LMNTD2: variants seen among roughly 807,000 people sequenced by gnomAD.
LMNTD2 encodes lamin tail domain containing 2.
In LMNTD2, 83 loss-of-function variants were observed where a neutral mutation model predicts 70.1. The ratio of observed to expected loss-of-function variants is 1.18; its 90% confidence interval spans 0.99 to 1.42. LMNTD2 has a LOEUF of 1.42. Among genes scored for constraint, LMNTD2 ranks in the 40% most tolerant of loss-of-function variants. The pLI is 0.00. For synonymous variants in LMNTD2, 534 were observed against 406.1 expected, an observed-to-expected ratio of 1.31 and a Z score of -3.79; for missense variants, 1,153 against 905.9, an observed-to-expected ratio of 1.27 and a Z score of -3.50.
In LMNTD2 at chr11:558,173, C is replaced by T; in HGVS notation, c.387G>A (p.Glu129=). Residue 129 remains glutamate (E), a synonymous_variant, in exon 4 of 14, where the codon GAG becomes GAA. Coordinates refer to ENST00000329451, the MANE Select transcript of LMNTD2 (RefSeq NM_173573.3). ...GCCCCTGCCTCACCCACTGGGCTCGCTCCTTCTGTTCCTTCAACTCCTGGA... is the reference window on the plus strand; with the variant it reads ...GCCCCTGCCTCACCCACTGGGCTCGTTCCTTCTGTTCCTTCAACTCCTGGA... ...KLIQELKEQK[E]RAQWEKEHLE... 2 of 1,613,518 alleles carry T rather than the reference C, an allele frequency of 1.2e-6. No individual in the cohort carries two copies. The highest frequency in any genetic ancestry group is 1.7e-6 in the Non-Finnish European group (2 of 1,179,840).
intron 3 of LMNTD2, 89 bp downstream of exon 3, chr11:558,525 T>TC: frequency 6.8e-7 from 1 of 1,464,430 alleles, no homozygotes; most frequent in Non-Finnish European, 9.1e-7. Context: ...AGGATCTGCC[T>TC]CAGCGGTTGG....
In LMNTD2 at chr11:555,095, A is replaced by G. The variant is rs771467659; in HGVS notation, c.1790T>C (p.Val597Ala). ...EHRVRVCRKS[V>A]DRSCPLVALS... ...GGCCACCAGGGGGCAGCTACGGTCC[A>G]CGCTCTTCCGGCACACCTGGGGGGC... Residue 597 changes from valine (V) to alanine (A), a missense_variant, in exon 14 of 14, where the codon GTG (valine) becomes GCG (alanine). By Grantham distance (64) the Val-to-Ala change is moderately conservative. Transcript: ENST00000329451. The G allele has an allele frequency of 2.3e-5, 34 of 1,502,016 alleles. No individual in the cohort carries two copies. Among genetic ancestry groups the G allele is most frequent in the Middle Eastern group, 2.2e-4 (1 of 4,460 alleles). The allele number at this position is 1,502,016 out of a possible 1,614,324, so 93.0% of individuals were successfully genotyped here. A position where few individuals can be genotyped will look rare whatever the true frequency, so the allele number is the denominator to read the frequency against.
In LMNTD2 at chr11:556,962, G is replaced by A. The variant is rs75850879; in HGVS notation, c.849C>T (p.Ser283=). The change falls in exon 8 of 14, where the codon TCC becomes TCT. Residue 283 remains serine (S), a synonymous_variant. Coordinates refer to ENST00000329451, the MANE Select transcript of LMNTD2 (RefSeq NM_173573.3). ...GGCCCGGCCGGCAGCTGCTGGAGTC[G>A]GAGTCAGCGCCCCCTGAGCTGCTGG... ...LNTSSSGGAD[S]DSSSCRPGLP... The A allele has an allele frequency of 4.7e-3, 7,519 of 1,604,698 alleles. 281 individuals carry two copies. In the African/African-American group the frequency reaches 0.083, roughly 18 times the overall value.
In LMNTD2 at chr11:556,514, A is replaced by C. The variant is rs765647861; in HGVS notation, c.1051T>G (p.Trp351Gly). The change falls in exon 9 of 14, where the codon TGG (tryptophan) becomes GGG (glycine). Residue 351 changes from tryptophan (W) to glycine (G), a missense_variant. Transcript: ENST00000329451. Reference protein sequence around the residue: ...SPQPCTDPDHWSPELLQSPTG... With the variant: ...SPQPCTDPDHGSPELLQSPTG... Reference sequence around the variant, plus strand: ...TACCTCTGCAGGAGTTCCGGGCTCCAGTGGTCCGGGTCTGTGCAGGGCTGG... The same window carrying C: ...TACCTCTGCAGGAGTTCCGGGCTCCCGTGGTCCGGGTCTGTGCAGGGCTGG... 1 of 1,554,596 alleles carries C rather than the reference A, an allele frequency of 6.4e-7. No individual in the cohort carries two copies. Among genetic ancestry groups the C allele is most frequent in the South Asian group, 1.2e-5 (1 of 84,350 alleles).
At position 556,358 on chromosome 11, in the gene LMNTD2, ATCTTCAGGCCTG is replaced by A; in HGVS notation, c.1079_1090del (p.Thr360_Lys363del). The stretch of plus-strand genomic sequence containing the variant: ...CTTCTCCCGGCAGCTCACAGCCACG[ATCTTCAGGCCTG>A]TCGGGCTGGGAAGAGAGGAGACGCT... On this transcript the variant is annotated inframe_deletion, in exon 10 of 14. Coordinates refer to ENST00000329451, the MANE Select transcript of LMNTD2 (RefSeq NM_173573.3). 1 of 1,536,250 alleles carries A rather than the reference ATCTTCAGGCCTG, an allele frequency of 6.5e-7. No homozygotes were observed. The highest frequency in any genetic ancestry group is 8.7e-7 in the Non-Finnish European group (1 of 1,146,282).
At chr11:560,632 C>A in intron 1 of LMNTD2, 51 bp downstream of exon 1, 1 of 1,348,638 alleles carries the variant, frequency 7.4e-7, no homozygotes, top group South Asian at 1.7e-5. Flanking sequence ...GAACCCGCCA[C>A]ACTAGAAGGC....
chr11:560,393 G>A, intron 1 of LMNTD2: 7 of 1,215,978 alleles, frequency 5.8e-6, no homozygotes, highest in Non-Finnish European at 6.2e-6. Flanking sequence ...CGGGCCTTCT[G>A]AGCGGGCACC....
At chr11:557,348 AG>A (rs1852959003) in intron 7 of LMNTD2, 50 bp downstream of exon 7, 4 of 1,548,240 alleles carry the variant, frequency 2.6e-6, no homozygotes, top group Non-Finnish European at 2.6e-6. Flanking sequence ...TCACTTGCCA[AG>A]GTGAGCCCTC....
Position 557,804 on chromosome 11 carries a change from G to A in LMNTD2, c.555+80C>T, listed in dbSNP as rs572349742. On this transcript the variant is annotated intron_variant, in intron 5 of 13. Coordinates refer to ENST00000329451, the MANE Select transcript of LMNTD2 (RefSeq NM_173573.3). ...GGCAGGCTTCCAGGCAGGCCAGGGCGCCCCAGCAGAGGCACCCGACGAGAT... is the reference window on the plus strand; with the variant it reads ...GGCAGGCTTCCAGGCAGGCCAGGGCACCCCAGCAGAGGCACCCGACGAGAT... The A allele has an allele frequency of 4.9e-3, 7,399 of 1,512,536 alleles. 23 individuals are homozygous for A. The highest frequency in any genetic ancestry group is 5.8e-3 in the Non-Finnish European group (6,592 of 1,129,122). The allele number at this position is 1,512,536 out of a possible 1,614,324, so 93.7% of individuals were successfully genotyped here. A position where few individuals can be genotyped will look rare whatever the true frequency, so the allele number is the denominator to read the frequency against.
chr11:559,783 A>G lies in LMNTD2; in HGVS notation c.35-804T>C, dbSNP rs1489234448. 2.1e-5 allele frequency: 22 copies of G among 1,046,948 alleles called. No homozygotes were observed. In the Admixed American group the frequency reaches 7.9e-4, roughly 37 times the overall value. 64.9% of individuals were successfully genotyped at this position (1,046,948 alleles called of 1,614,324 possible). A position where few individuals can be genotyped will look rare whatever the true frequency, so the allele number is the denominator to read the frequency against. On this transcript the variant is annotated intron_variant, in intron 1 of 13. Coordinates refer to ENST00000329451, the MANE Select transcript of LMNTD2 (RefSeq NM_173573.3). The stretch of plus-strand genomic sequence containing the variant: ...AATTAATAATTAATTCTTTAGAGAC[A>G]GGGTCTTGCTCCGCTGTCCAGGCTG...
rs564227154 is a variant in LMNTD2 at position 558,280 on chromosome 11, C to T, written c.312-32G>A. The stretch of plus-strand genomic sequence containing the variant: ...GAGGGGTGACCTCAGCAGCCCCCAC[C>T]CTGCTCAGGCAGGGGTTCCTAATGT... On this transcript the variant is annotated intron_variant, in intron 3 of 13. Transcript: ENST00000329451. 1.9e-4 allele frequency: 298 copies of T among 1,604,558 alleles called. 3 individuals are homozygous for T. In the South Asian group the frequency reaches 2.9e-3, roughly 16 times the overall value.
At position 555,508 on chromosome 11, in the gene LMNTD2, TG is replaced by T; in HGVS notation, c.1575-6del. The T allele has an allele frequency of 7.4e-7, 1 of 1,349,210 alleles. No individual in the cohort carries two copies. Among genetic ancestry groups the T allele is most frequent in the Admixed American group, 3.6e-5 (1 of 28,126 alleles). The allele number at this position is 1,349,210 out of a possible 1,614,324, so 83.6% of individuals were successfully genotyped here. A position where few individuals can be genotyped will look rare whatever the true frequency, so the allele number is the denominator to read the frequency against. On this transcript the variant is annotated splice_polypyrimidine_tract_variant and splice_region_variant and intron_variant, in intron 12 of 13. Transcript: ENST00000329451. The stretch of plus-strand genomic sequence containing the variant: ...GGGGGCAGCAGGCCCCGCGTCCTGG[TG>T]GGGCGAGGGTCGTGAGGGCGGCGGC...
chr11:555,488 C>A lies in LMNTD2; in HGVS notation c.1590G>T (p.Leu530=). 7.3e-7 allele frequency: 1 copy of A among 1,367,320 alleles called. No individual in the cohort carries two copies. Among genetic ancestry groups the A allele is most frequent in the Non-Finnish European group, 9.4e-7 (1 of 1,066,544 alleles). The allele number at this position is 1,367,320 out of a possible 1,614,324, so 84.7% of individuals were successfully genotyped here. The change falls in exon 13 of 14, where the codon CTG becomes CTT. Residue 530 remains leucine, a synonymous_variant. Coordinates refer to ENST00000329451, the MANE Select transcript of LMNTD2 (RefSeq NM_173573.3). ...SRRRPGTRGL[L]PPVSSGKLFH... is the part of the protein sequence containing the mutation. ...AGAGCTTCCCCGAGCTCACTGGGGG[C>A]AGCAGGCCCCGCGTCCTGGTGGGGC... is the stretch of plus-strand genomic sequence containing the variant.
intron 7 of LMNTD2, 35 bp downstream of exon 7, chr11:557,364 C>A: frequency 6.4e-7 from 1 of 1,562,088 alleles, no homozygotes; most frequent in East Asian, 2.4e-5. Flanking sequence ...GCCCTCCCTT[C>A]TGGCCCCTGG....
Position 557,975 on chromosome 11 carries a change from T to C in LMNTD2, c.464A>G (p.Glu155Gly). 6.2e-7 allele frequency: 1 copy of C among 1,600,242 alleles called. No homozygotes were observed. The highest frequency in any genetic ancestry group is 8.5e-7 in the Non-Finnish European group (1 of 1,172,328). The change falls in exon 5 of 14, where the codon GAG (glutamate) becomes GGG (glycine). Residue 155 changes from glutamate (E) to glycine (G), a missense_variant. Coordinates refer to ENST00000329451, the MANE Select transcript of LMNTD2 (RefSeq NM_173573.3). ...TTRTLQEMEA[E>G]LQNLQKSCLL... ...GCAGGACTTCTGCAAGTTCTGCAGCTCGGCCTCCATCTCCTGGAGCGTGCG... is the reference window on the plus strand; with the variant it reads ...GCAGGACTTCTGCAAGTTCTGCAGCCCGGCCTCCATCTCCTGGAGCGTGCG...
At position 555,373 on chromosome 11, in the gene LMNTD2, G is replaced by A. The variant is rs1207514185; in HGVS notation, c.1705C>T (p.Pro569Ser). 4 of 1,416,704 alleles carry A rather than the reference G, an allele frequency of 2.8e-6. No homozygotes were observed. The African/African-American group carries it at 4.5e-5, about 16-fold the overall frequency. The allele number at this position is 1,416,704 out of a possible 1,614,324, so 87.8% of individuals were successfully genotyped here. ...AGCCCGGCCTCTGCGGGAGGCGACGGCAGGGTGGGGTCACCCGGGATGGCG... is the reference window on the plus strand; with the variant it reads ...AGCCCGGCCTCTGCGGGAGGCGACGACAGGGTGGGGTCACCCGGGATGGCG... ...LPAIPGDPTL[P>S]SPPAEAGLGL... is the part of the protein sequence containing the mutation. The change falls in exon 13 of 14, where the codon CCG becomes TCG. Residue 569 changes from proline to serine, a missense_variant. Physicochemically the swap from Pro to Ser is moderately conservative, Grantham distance 74. Transcript: ENST00000329451.
At chr11:560,354 G>A in intron 1 of LMNTD2, 1 of 1,159,576 alleles carries the variant, frequency 8.6e-7, no homozygotes, top group Non-Finnish European at 1.1e-6. Context: ...GGGGCAGGAA[G>A]GTGTCGGAGA....
intron 3 of LMNTD2, 88 bp from the exon 4 acceptor site, chr11:558,336 G>A (rs1463286775): frequency 2.8e-6 from 4 of 1,415,692 alleles, no homozygotes; most frequent in African/African-American, 2.8e-5. Flanking sequence ...GGAGAAGGAG[G>A]GGCTCCACTG....
At chr11:555,631 T>G (rs1589826957) in intron 12 of LMNTD2, 103 bp downstream of exon 12, 3 of 1,263,520 alleles carry the variant, frequency 2.4e-6, no homozygotes, top group East Asian at 3.2e-5. Context: ...GGGCGGGGCC[T>G]GGGGAAGTAG....
Sources: gnomAD v4.1 joint callset for allele counts on GRCh38, gnomAD v4.1.1 for gene constraint, MANE v1.5 for transcripts, NCBI Gene and HGNC (gene_info 2026-07-23, HGNC 2026-07-21) for gene names.